The following RFT1 variants were observed in gnomAD, a reference collection of about 807,000 sequenced individuals.
The protein encoded by RFT1 is RFT1 glycolipid translocator homolog.
In RFT1, 43 loss-of-function variants were observed where a neutral mutation model predicts 62.2. The ratio of observed to expected loss-of-function variants is 0.69; its 90% confidence interval spans 0.54 to 0.89. RFT1 has a LOEUF of 0.89. Among genes scored for constraint, RFT1 ranks in the 40% least tolerant of loss-of-function variants. The probability of loss-of-function intolerance (pLI) is 0.00; values close to 1 mark genes in which losing one functional copy is unlikely to be tolerated. For synonymous variants in RFT1, 262 were observed against 264.6 expected (o/e 0.99, Z 0.10); for missense variants, 605 against 649.9 (o/e 0.93, Z 0.75).
chr3:53,098,801 C>CAAAAAAAAAAAA, intron 11 of RFT1, among the ~76,000 whole-genome samples: 1 of 57,638 alleles, frequency 1.7e-5, no homozygotes, highest in Non-Finnish European at 2.8e-5. Flanking sequence ...GACTCCATCT[C>CAAAAAAAAAAAA]AAAAAAAAAA....
Position 53,106,801 on chromosome 3 carries a change from T to A in RFT1, c.826+18A>T. The A allele has an allele frequency of 6.3e-7, 1 of 1,576,672 alleles. No individual in the cohort carries two copies. Among genetic ancestry groups the A allele is most frequent in the Non-Finnish European group, 8.7e-7 (1 of 1,146,272 alleles). On this transcript the variant is annotated intron_variant, in intron 8 of 12. Coordinates refer to ENST00000296292, the MANE Select transcript of RFT1 (RefSeq NM_052859.4). ...TAGTGTTCACCTTTAATTAAAACAC[T>A]ACAGAATTTCATCTTACCCTGATCA... is the stretch of plus-strand genomic sequence containing the variant.
intron 10 of RFT1, among the ~76,000 whole-genome samples, chr3:53,101,004 G>T (rs1264922912): frequency 1.3e-5 from 2 of 152,084 alleles, no homozygotes; most frequent in East Asian, 3.8e-4. Context: ...GAAAAGGAGG[G>T]GGACTGAAGT....
rs556717766 is a variant in RFT1 at position 53,122,490 on chromosome 3, T to C, written c.340A>G (p.Asn114Asp). Residue 114 changes from asparagine to aspartate, a missense_variant, in exon 4 of 13, where the codon AAT becomes GAT. Asn to Asp is a conservative substitution (Grantham distance 23). Transcript: ENST00000296292. ...WLQLLEVPDP[N>D]VVPHYATGVV... is the part of the protein sequence containing the mutation. ...CCAGTTGCATAGTGAGGGACAACAT[T>C]AGGATCAGGCACTTCAAGCAGCTGC... The C allele has an allele frequency of 6.2e-7, 1 of 1,613,746 alleles. No homozygotes were observed.
chr3:53,130,178 T>C (rs1421604585), intron 1 of RFT1, among the ~76,000 whole-genome samples, 160 bp downstream of exon 1: 1 of 152,014 alleles, frequency 6.6e-6, no homozygotes, highest in African/African-American at 2.4e-5. Context: ...GGGTCCCCCC[T>C]CATCAATGCC....
intron 11 of RFT1, among the ~76,000 whole-genome samples, chr3:53,098,521 G>A (rs1196464133): frequency 6.6e-6 from 1 of 151,944 alleles, no homozygotes; most frequent in Non-Finnish European, 1.5e-5. Context: ...ACCCCCATGA[G>A]GCTGGGCACG....
At chr3:53,077,137 GT>G in the RFT1 span, among the ~76,000 whole-genome samples, 1 of 152,070 alleles carries the variant, frequency 6.6e-6, no homozygotes, top group Non-Finnish European at 1.5e-5. Context: ...TACGTGTATT[GT>G]TTTGATCAAA....
intron 6 of RFT1, among the ~76,000 whole-genome samples, chr3:53,117,405 C>T (rs1274991308): frequency 1.3e-5 from 2 of 152,302 alleles, no homozygotes; most frequent in Middle Eastern, 3.4e-3. Flanking sequence ...AGATCTATAT[C>T]AGGTGCCTCT....
chr3:53,111,806 G>A (rs768775865), intron 7 of RFT1, 24 bp downstream of exon 7: 5 of 1,596,412 alleles, frequency 3.1e-6, no homozygotes, highest in Non-Finnish European at 3.4e-6. Context: ...GTCTCCCGAC[G>A]ATTCAGAGTG....
chr3:53,073,881 C>G, the RFT1 span, among the ~76,000 whole-genome samples: 2 of 152,180 alleles, frequency 1.3e-5, no homozygotes, highest in Non-Finnish European at 2.9e-5. Flanking sequence ...CACAGGGCTT[C>G]GAAGTTCTGA....
rs546746902 is a variant in RFT1, at chr3:53,128,058, G to A, written c.64-2064C>T. 3.3e-5 allele frequency among the ~76,000 whole-genome samples: 5 copies of A among 152,236 alleles called. No individual in the cohort carries two copies. The East Asian group carries it at 7.7e-4, about 24-fold the overall frequency. Reference sequence around the variant, plus strand: ...CACACCTGTAATGCCAGCACTTCGGGAGGCTGAGGCAGGTGGATCACTTGA... The same window carrying A: ...CACACCTGTAATGCCAGCACTTCGGAAGGCTGAGGCAGGTGGATCACTTGA... On this transcript the variant is annotated intron_variant, in intron 1 of 12. Transcript: ENST00000296292.
At chr3:53,071,886 G>C in the RFT1 span, among the ~76,000 whole-genome samples, 11 of 152,342 alleles carry the variant, frequency 7.2e-5, no homozygotes, top group African/African-American at 2.4e-4. Flanking sequence ...TGCCTCCCGT[G>C]ACTGCAGGCA....
chr3:53,078,612 C>T, the RFT1 span, among the ~76,000 whole-genome samples: 1 of 152,178 alleles, frequency 6.6e-6, no homozygotes, highest in Non-Finnish European at 1.5e-5. Context: ...TATGGTGGCT[C>T]ATGCCTGTGG....
At chr3:53,103,417 A>G (rs1217473559) in intron 10 of RFT1, among the ~76,000 whole-genome samples, 2 of 152,216 alleles carry the variant, frequency 1.3e-5, no homozygotes, top group Non-Finnish European at 2.9e-5. Flanking sequence ...TCAAAATTAG[A>G]CACATTCAAT....
At chr3:53,104,277 G>C (rs1701402453) in intron 9 of RFT1, among the ~76,000 whole-genome samples, 180 bp from the exon 10 acceptor site, 1 of 152,200 alleles carries the variant, frequency 6.6e-6, no homozygotes, top group Non-Finnish European at 1.5e-5. Context: ...GAAGGAAAAA[G>C]TGTGTGTCTC....
chr3:53,110,965 G>C (rs1158658201), intron 7 of RFT1, among the ~76,000 whole-genome samples: 3 of 152,112 alleles, frequency 2.0e-5, no homozygotes, highest in Non-Finnish European at 2.9e-5. Context: ...TCCACATTGA[G>C]AGCTCTGTCG....
chr3:53,127,558 G>A (rs1397315258), intron 1 of RFT1, among the ~76,000 whole-genome samples: 2 of 151,972 alleles, frequency 1.3e-5, no homozygotes, highest in African/African-American at 2.4e-5. Context: ...AAAATTAGCT[G>A]GGTGTGGTGG....
At chr3:53,088,189 G>A (rs527944970), downstream of RFT1, among the ~76,000 whole-genome samples, 1 of 152,204 alleles carries the variant, frequency 6.6e-6, no homozygotes, top group Non-Finnish European at 1.5e-5. Flanking sequence ...GCCAGATGGA[G>A]AAGACAGGAG....
Position 53,119,961 on chromosome 3 carries a change from A to C in RFT1, c.619T>G (p.Ser207Ala). Residue 207 changes from serine (S) to alanine (A), a missense_variant, in exon 6 of 13, where the codon TCC (serine) becomes GCC (alanine). Physicochemically the swap from Ser to Ala is moderately conservative, Grantham distance 99. Transcript: ENST00000296292. ...GTTTGAAGCTTGGTTGATTCTGGGG[A>C]ACCCAGTAACTTTGTGAAATAAATA... ...YVIYFTKLLGSPESTKLQTLP... is the reference protein window; with the variant it reads ...YVIYFTKLLGAPESTKLQTLP... The C allele has an allele frequency of 1.2e-6, 2 of 1,612,124 alleles. No individual in the cohort carries two copies. Among genetic ancestry groups the C allele is most frequent in the South Asian group, 1.1e-5 (1 of 90,514 alleles).
At chr3:53,099,790 C>T (rs1211004570) in intron 10 of RFT1, among the ~76,000 whole-genome samples, 2 of 152,202 alleles carry the variant, frequency 1.3e-5, no homozygotes, top group African/African-American at 4.8e-5. Context: ...AGGTTAGAGA[C>T]CAGCCTGGGC....
Sources: allele counts gnomAD v4.1 joint callset (sites outside exome capture counted in the v4.1 genomes callset), GRCh38; gene constraint gnomAD v4.1.1; transcripts MANE v1.5; gene names NCBI Gene and HGNC (gene_info 2026-07-23, HGNC 2026-07-21).